MAP2: variants seen among roughly 807,000 people sequenced by gnomAD.
MAP2 encodes microtubule-associated protein 2.
A neutral mutation model predicts 137.6 loss-of-function variants in MAP2; 14 were observed. That is an observed-to-expected ratio of 0.10 (90% CI 0.07 to 0.16). The LOEUF is 0.16. MAP2 is among the 10% of genes least tolerant of loss of function. The pLI is 1.00. For synonymous variants in MAP2, 786 were observed against 782.3 expected (o/e 1.00, Z -0.08); for missense variants, 2,088 against 2,191.5 (o/e 0.95, Z 0.94).
intron 1 of MAP2, among the ~76,000 whole-genome samples, chr2:209,443,648 A>C (rs1698365601): frequency 1.3e-5 from 2 of 151,634 alleles, no homozygotes; most frequent in Non-Finnish European, 1.5e-5. Context: ...CAGTTTCTTC[A>C]CTTCGGCCAT....
intron 2 of MAP2, among the ~76,000 whole-genome samples, chr2:209,537,282 T>G (rs992992692): frequency 6.6e-6 from 1 of 152,192 alleles, no homozygotes; most frequent in Admixed American, 6.5e-5. Context: ...TAGTAATTAT[T>G]TTGAGACCCC....
chr2:209,652,283 G>A (rs552110477), intron 4 of MAP2, among the ~76,000 whole-genome samples: 3 of 152,200 alleles, frequency 2.0e-5, no homozygotes, highest in African/African-American at 7.2e-5. Flanking sequence ...GTATGTCAAT[G>A]GTTTTAACTT....
chr2:209,541,593 C>A (rs1477401133), intron 2 of MAP2, among the ~76,000 whole-genome samples: 1 of 144,370 alleles, frequency 6.9e-6, no homozygotes, highest in East Asian at 1.9e-4. Context: ...TCAAACCTTG[C>A]CTCTGGCTCA....
chr2:209,629,065 A>G (rs2092710962), intron 4 of MAP2, among the ~76,000 whole-genome samples: 1 of 152,226 alleles, frequency 6.6e-6, no homozygotes. Context: ...TACTTAGCTG[A>G]TTTATAATTG....
intron 4 of MAP2, among the ~76,000 whole-genome samples, chr2:209,641,096 A>G (rs1161349579): frequency 6.6e-6 from 1 of 152,056 alleles, no homozygotes; most frequent in Non-Finnish European, 1.5e-5. Flanking sequence ...AATCCCAGCC[A>G]GTGGCTTCTT....
At chr2:209,548,650 G>A (rs1196885271) in intron 2 of MAP2, among the ~76,000 whole-genome samples, 2 of 152,128 alleles carry the variant, frequency 1.3e-5, no homozygotes. Context: ...AATTGTAATA[G>A]CCATAATCCC....
rs1328122214 is a variant in MAP2 at position 209,692,749 on chromosome 2, A to T, written c.579A>T (p.Lys193Asn). Residue 193 changes from lysine to asparagine, a missense_variant, in exon 8 of 16, where the codon AAA (lysine) becomes AAT (asparagine). By Grantham distance (94) the Lys-to-Asn change is moderately conservative. Around this residue, in one of 6 missense-constraint regions of MAP2, gnomAD observed 859 missense variants for 794.5 expected, o/e 1.08. Transcript: ENST00000682079. ...AAAGTAAGCCTGGTGAAGACCTTAA[A>T]CATGCTGCCTTAGTTTCTCAGCCAG... ...EKQSKPGEDLKHAALVSQPET... is the reference protein window; with the variant it reads ...EKQSKPGEDLNHAALVSQPET... 6.2e-6 allele frequency: 10 copies of T among 1,614,086 alleles called. No individual in the cohort carries two copies. The highest frequency in any genetic ancestry group is 2.2e-5 in the South Asian group (2 of 91,078).
At chr2:209,628,675 C>A (rs2092669410) in intron 4 of MAP2, among the ~76,000 whole-genome samples, 1 of 152,126 alleles carries the variant, frequency 6.6e-6, no homozygotes, top group Non-Finnish European at 1.5e-5. Context: ...CTGTAATAGT[C>A]AAAAATAAAG....
rs961813289 is a variant in MAP2 at position 209,709,988 on chromosome 2, C to T, written c.4807C>T (p.Pro1603Ser). Reference protein sequence around the residue: ...PTTPGSTAITPGTPPSYSSRT... With the variant: ...PTTPGSTAITSGTPPSYSSRT... The stretch of plus-strand genomic sequence containing the variant: ...TACCCCTGGGTCTACTGCCATCACT[C>T]CTGGCACCCCACCAAGTTATTCTTC... Residue 1603 changes from proline to serine, a missense_variant, in exon 13 of 16, where the codon CCT (proline) becomes TCT (serine). By Grantham distance (74) the Pro-to-Ser change is moderately conservative (BLOSUM62 -1). Around this residue, in one of 6 missense-constraint regions of MAP2, gnomAD observed 591 missense variants for 642.6 expected, o/e 0.92. Coordinates refer to ENST00000682079, the MANE Select transcript of MAP2 (RefSeq NM_001375505.1). 14 of 1,613,900 alleles carry T rather than the reference C, an allele frequency of 8.7e-6. No homozygotes were observed. Among genetic ancestry groups the T allele is most frequent in the Non-Finnish European group, 1.2e-5 (14 of 1,179,998 alleles).
chr2:209,507,647 T>C lies in MAP2; in HGVS notation c.-172+6T>C, dbSNP rs902421665. The C allele has an allele frequency of 3.9e-5, 6 of 152,254 alleles. No homozygotes were observed. The highest frequency in any genetic ancestry group is 2.0e-4 in the Admixed American group (3 of 15,274). The allele number at this position is 152,254 out of a possible 1,614,324, so 9.4% of individuals were successfully genotyped here. A position where few individuals can be genotyped will look rare whatever the true frequency, so the allele number is the denominator to read the frequency against. ...AACTTCTGGCTGGAATTAAGGTCAGTACTATATTTGTGTCAATCATGAATA... is the reference window on the plus strand; with the variant it reads ...AACTTCTGGCTGGAATTAAGGTCAGCACTATATTTGTGTCAATCATGAATA... On this transcript the variant is annotated splice_donor_region_variant and intron_variant, in intron 2 of 15. Coordinates refer to ENST00000682079, the MANE Select transcript of MAP2 (RefSeq NM_001375505.1).
intron 2 of MAP2, among the ~76,000 whole-genome samples, chr2:209,555,418 G>A (rs2070331059): frequency 6.6e-6 from 1 of 152,160 alleles, no homozygotes; most frequent in Non-Finnish European, 1.5e-5. Context: ...GAGGCCGAGA[G>A]TTGGACAATT....
chr2:209,730,425 AAT>A lies in MAP2; in HGVS notation c.*31_*32del. On this transcript the variant is annotated 3_prime_UTR_variant, in exon 16 of 16. Transcript: ENST00000682079. ...ATTTCTCATTTAGCATTGAAATAAT[AAT>A]ATTTAGGCATGAGCTCTTGGCAGGA... is the stretch of plus-strand genomic sequence containing the variant. 6.4e-7 allele frequency: 1 copy of A among 1,553,660 alleles called. No homozygotes were observed. The highest frequency in any genetic ancestry group is 1.7e-4 in the Middle Eastern group (1 of 5,980).
At chr2:209,689,567 A>G (rs548400010) in intron 7 of MAP2, among the ~76,000 whole-genome samples, 46 of 152,300 alleles carry the variant, frequency 3.0e-4, no homozygotes, top group African/African-American at 1.1e-3. Flanking sequence ...AATTAGTGCA[A>G]TAACTCATGA....
chr2:209,534,104 A>T (rs973529186), intron 2 of MAP2, among the ~76,000 whole-genome samples: 3 of 152,228 alleles, frequency 2.0e-5, no homozygotes, highest in Non-Finnish European at 4.4e-5. Context: ...ACCTTCAAGC[A>T]TAGACCAACT....
chr2:209,449,795 G>A (rs1699917047), intron 1 of MAP2, among the ~76,000 whole-genome samples: 2 of 152,250 alleles, frequency 1.3e-5, no homozygotes, highest in Non-Finnish European at 2.9e-5. Context: ...GTGTATGTCT[G>A]AAAAGATTTT....
intron 1 of MAP2, among the ~76,000 whole-genome samples, chr2:209,452,561 G>C (rs1255124843): frequency 2.0e-5 from 3 of 152,108 alleles, no homozygotes; most frequent in African/African-American, 7.2e-5. Context: ...TAATGACAGG[G>C]CAAACAAAGT....
intron 3 of MAP2, among the ~76,000 whole-genome samples, chr2:209,594,753 T>C (rs2080787002): frequency 1.3e-5 from 2 of 152,208 alleles, no homozygotes; most frequent in Non-Finnish European, 2.9e-5. Flanking sequence ...TTCATTGTTT[T>C]ACCTCTAGTA....
At chr2:209,437,173 C>T (rs192006961) in intron 1 of MAP2, among the ~76,000 whole-genome samples, 71 of 151,530 alleles carry the variant, frequency 4.7e-4, no homozygotes, top group African/African-American at 1.6e-3. Context: ...AATCTGTTAC[C>T]CTTGCACTTA....
At chr2:209,669,400 G>A (rs1459436392) in intron 5 of MAP2, among the ~76,000 whole-genome samples, 1 of 151,956 alleles carries the variant, frequency 6.6e-6, no homozygotes, top group Non-Finnish European at 1.5e-5. Flanking sequence ...GTTATGTTGG[G>A]GATGAGAGAG....
Sources: allele counts gnomAD v4.1 joint callset (sites outside exome capture counted in the v4.1 genomes callset), GRCh38; gene constraint gnomAD v4.1.1; regional missense constraint gnomAD v4.1.1; transcripts MANE v1.5; gene names NCBI Gene and HGNC (gene_info 2026-07-23, HGNC 2026-07-21).